The following SLC26A11 variants were observed in gnomAD, a reference collection of about 807,000 sequenced individuals.
SLC26A11 encodes solute carrier family 26 member 11, also known as sodium-independent sulfate anion transporter.
In SLC26A11, 58 loss-of-function variants were observed where a neutral mutation model predicts 62.2. That is an observed-to-expected ratio of 0.93 (90% CI 0.76 to 1.16). The LOEUF is 1.16. SLC26A11 is among the 50% of genes most tolerant of loss of function. The probability of loss-of-function intolerance (pLI) is 0.00; values close to 1 mark genes in which losing one functional copy is unlikely to be tolerated. For missense variants in SLC26A11, 790 were observed against 794.3 expected (o/e 0.99, Z 0.06); for synonymous variants, 411 against 368.9 (o/e 1.11, Z -1.31).
intron 16 of SLC26A11, among the ~76,000 whole-genome samples, chr17:80,249,921 A>G (rs2043114063): frequency 6.6e-6 from 1 of 152,138 alleles, no homozygotes; most frequent in Admixed American, 6.5e-5. Flanking sequence ...AAACAAACGA[A>G]AAAAAACAGG....
rs2043181518 is a variant in SLC26A11 at position 80,252,485 on chromosome 17, A to T, written c.1730-140A>T. The T allele has an allele frequency of 1.6e-6, 1 of 634,034 alleles. No homozygotes were observed. Among genetic ancestry groups the T allele is most frequent in the Non-Finnish European group, 2.7e-6 (1 of 373,956 alleles). The allele number at this position is 634,034 out of a possible 1,614,324, so 39.3% of individuals were successfully genotyped here. ...AGGTGAGACCCTCATGGAGTTAGTG[A>T]CACTGGCCTGGGTGGCCCACAGCTC... On this transcript the variant is annotated intron_variant, in intron 17 of 17. Coordinates refer to ENST00000361193, the MANE Select transcript of SLC26A11 (RefSeq NM_001166347.2). This position sits in a 1 kb window ranked among gnomAD's most constrained non-coding sequence, Gnocchi z 5.2.
Position 80,246,374 on chromosome 17 carries a change from G to A in SLC26A11, c.1154-135G>A. 5.6e-6 allele frequency: 8 copies of A among 1,429,528 alleles called. No homozygotes were observed. Among genetic ancestry groups the A allele is most frequent in the Non-Finnish European group, 6.6e-6 (7 of 1,059,624 alleles). The allele number at this position is 1,429,528 out of a possible 1,614,324, so 88.6% of individuals were successfully genotyped here. A position where few individuals can be genotyped will look rare whatever the true frequency, so the allele number is the denominator to read the frequency against. ...AGGGGGACCACAGGAGACTGAGCAG[G>A]GGCTGGGGGCCTTGGCAGTCGTCGC... On this transcript the variant is annotated intron_variant, in intron 12 of 17. Transcript: ENST00000361193. The surrounding 1 kb of genome is among the most constrained non-coding windows in gnomAD (Gnocchi z 4.4).
intron 6 of SLC26A11, 137 bp from the exon 7 acceptor site, chr17:80,227,681 T>C: frequency 2.5e-6 from 3 of 1,211,048 alleles, no homozygotes; most frequent in Non-Finnish European, 3.4e-6. Context: ...CTCACTGTGG[T>C]CTGGGACCAG....
intron 7 of SLC26A11, 21 bp downstream of exon 7, chr17:80,227,981 A>T: frequency 6.3e-7 from 1 of 1,595,596 alleles, no homozygotes; most frequent in East Asian, 2.2e-5. Context: ...TCTGGCTGAC[A>T]TCTTATGCAA....
Position 80,223,129 on chromosome 17 carries a change from C to T in SLC26A11, c.428-123C>T, listed in dbSNP as rs895287053. On this transcript the variant is annotated intron_variant, in intron 4 of 17. Coordinates refer to ENST00000361193, the MANE Select transcript of SLC26A11 (RefSeq NM_001166347.2). This position sits in a 1 kb window ranked among gnomAD's most constrained non-coding sequence, Gnocchi z 4.6. Reference sequence around the variant, plus strand: ...CCAAACAGGGTGTGTTACCCCCAGTCCTTAGCTGCGGTATCTGCTCCCCAA... The same window carrying T: ...CCAAACAGGGTGTGTTACCCCCAGTTCTTAGCTGCGGTATCTGCTCCCCAA... 1.1e-6 allele frequency: 1 copy of T among 922,530 alleles called. No homozygotes were observed. The highest frequency in any genetic ancestry group is 1.7e-6 in the Non-Finnish European group (1 of 579,756). The allele number at this position is 922,530 out of a possible 1,614,324, so 57.1% of individuals were successfully genotyped here. A position where few individuals can be genotyped will look rare whatever the true frequency, so the allele number is the denominator to read the frequency against.
chr17:80,231,448 G>A (rs2042565727), intron 7 of SLC26A11, among the ~76,000 whole-genome samples: 1 of 152,208 alleles, frequency 6.6e-6, no homozygotes, highest in Admixed American at 6.5e-5. Flanking sequence ...ACAGGCGTGA[G>A]CCACTGTGCC....
Position 80,228,971 on chromosome 17 carries a change from T to C in SLC26A11, c.736+1011T>C, listed in dbSNP as rs2042490010. 6.6e-6 allele frequency among the ~76,000 whole-genome samples: 1 copy of C among 152,076 alleles called. No homozygotes were observed. Reference sequence around the variant, plus strand: ...AAGCCTCTTCTCAGTGCATCCGGGATGGGCATGGGTCCCCTGGCTGAGCAC... The same window carrying C: ...AAGCCTCTTCTCAGTGCATCCGGGACGGGCATGGGTCCCCTGGCTGAGCAC... On this transcript the variant is annotated intron_variant, in intron 7 of 17. Coordinates refer to ENST00000361193, the MANE Select transcript of SLC26A11 (RefSeq NM_001166347.2). The surrounding 1 kb of genome is among the most constrained non-coding windows in gnomAD (Gnocchi z 4.1).
chr17:80,222,017 C>CT lies in SLC26A11; in HGVS notation c.234+224dup, dbSNP rs933222139. 3.7e-6 allele frequency: 2 copies of CT among 546,636 alleles called. No individual in the cohort carries two copies. Among genetic ancestry groups the CT allele is most frequent in the Admixed American group, 7.3e-5 (2 of 27,442 alleles). The allele number at this position is 546,636 out of a possible 1,614,324, so 33.9% of individuals were successfully genotyped here. ...GGTTATGGAGGGGCCAGCGAGATGA[C>CT]TCATGGAGGCCTCAGGAGTTCAAGA... is the stretch of plus-strand genomic sequence containing the variant. On this transcript the variant is annotated intron_variant, in intron 3 of 17. Transcript: ENST00000361193. This position sits in a 1 kb window ranked among gnomAD's most constrained non-coding sequence, Gnocchi z 4.7.
rs143708779 is a variant in SLC26A11, at chr17:80,242,829, C to T, written c.1036+1008C>T. ...GTTCATCCGATTCTCCTGCCTCAGC[C>T]TCCCGAGTAGCTGAGACTACAGGCG... On this transcript the variant is annotated intron_variant, in intron 10 of 17. Coordinates refer to ENST00000361193, the MANE Select transcript of SLC26A11 (RefSeq NM_001166347.2). 5.3e-4 allele frequency among the ~76,000 whole-genome samples: 80 copies of T among 152,288 alleles called. No homozygotes were observed. The East Asian group carries it at 0.014, about 26-fold the overall frequency.
chr17:80,232,597 A>G (rs2042592276), intron 7 of SLC26A11, among the ~76,000 whole-genome samples: 1 of 152,140 alleles, frequency 6.6e-6, no homozygotes, highest in African/African-American at 2.4e-5. Flanking sequence ...GTTTAATGGT[A>G]TGTTTTATGG....
chr17:80,241,865 C>T (rs1369814896), intron 10 of SLC26A11, 44 bp downstream of exon 10: 2 of 1,604,560 alleles, frequency 1.2e-6, no homozygotes, highest in East Asian at 2.2e-5. Flanking sequence ...CTGTGGGCCT[C>T]CAGGGTCCCA....
intron 5 of SLC26A11, among the ~76,000 whole-genome samples, chr17:80,225,291 A>C (rs2042378357): frequency 6.6e-6 from 1 of 152,240 alleles, no homozygotes; most frequent in Admixed American, 6.5e-5. Flanking sequence ...TACTTTGCCG[A>C]GGATTCCCCA....
chr17:80,248,852 G>A (rs2043083523), intron 15 of SLC26A11, among the ~76,000 whole-genome samples, 178 bp downstream of exon 15: 1 of 152,196 alleles, frequency 6.6e-6, no homozygotes, highest in African/African-American at 2.4e-5. Flanking sequence ...GCTGCAGCAA[G>A]GGTGGTGGCC....
intron 5 of SLC26A11, among the ~76,000 whole-genome samples, chr17:80,224,298 CGTGT>C (rs555123036): frequency 0.077 from 6,454 of 83,760 alleles, 451 homozygotes; most frequent in African/African-American, 0.24. Flanking sequence ...AGTGAGTGTG[CGTGT>C]GTGTGTGAGA....
At position 80,228,027 on chromosome 17, in the gene SLC26A11, A is replaced by G. The variant is rs2042460052; in HGVS notation, c.736+67A>G. ...AGGTTGGGGTCACTTGGGGAGTCCT[A>G]GTCCCACCCTAGGGATTCTCACGTC... is the stretch of plus-strand genomic sequence containing the variant. On this transcript the variant is annotated intron_variant, in intron 7 of 17. Coordinates refer to ENST00000361193, the MANE Select transcript of SLC26A11 (RefSeq NM_001166347.2). This position sits in a 1 kb window ranked among gnomAD's most constrained non-coding sequence, Gnocchi z 4.1. The G allele has an allele frequency of 6.8e-7, 1 of 1,461,400 alleles. No homozygotes were observed. The highest frequency in any genetic ancestry group is 9.3e-7 in the Non-Finnish European group (1 of 1,074,954). 90.5% of individuals were successfully genotyped at this position (1,461,400 alleles called of 1,614,324 possible). A position where few individuals can be genotyped will look rare whatever the true frequency, so the allele number is the denominator to read the frequency against.
At position 80,246,221 on chromosome 17, in the gene SLC26A11, C is replaced by T. The variant is rs1203674850; in HGVS notation, c.1153+12C>T. 1 of 1,607,324 alleles carries T rather than the reference C, an allele frequency of 6.2e-7. No individual in the cohort carries two copies. The highest frequency in any genetic ancestry group is 8.5e-7 in the Non-Finnish European group (1 of 1,177,702). ...GGGCCTGGTGACGGGTAAGGCCCCC[C>T]ATCTTCCCCTTGTGCCCGCAGCCCT... is the stretch of plus-strand genomic sequence containing the variant. On this transcript the variant is annotated intron_variant, in intron 12 of 17. Coordinates refer to ENST00000361193, the MANE Select transcript of SLC26A11 (RefSeq NM_001166347.2). The surrounding 1 kb of genome is among the most constrained non-coding windows in gnomAD (Gnocchi z 4.4).
chr17:80,246,004 C>A lies in SLC26A11; in HGVS notation c.1098-150C>A. The A allele has an allele frequency of 1.1e-6, 1 of 906,576 alleles. No individual in the cohort carries two copies. The highest frequency in any genetic ancestry group is 1.8e-6 in the Non-Finnish European group (1 of 557,134). 56.2% of individuals were successfully genotyped at this position (906,576 alleles called of 1,614,324 possible). A position where few individuals can be genotyped will look rare whatever the true frequency, so the allele number is the denominator to read the frequency against. On this transcript the variant is annotated intron_variant, in intron 11 of 17. Coordinates refer to ENST00000361193, the MANE Select transcript of SLC26A11 (RefSeq NM_001166347.2). This position sits in a 1 kb window ranked among gnomAD's most constrained non-coding sequence, Gnocchi z 4.4. The stretch of plus-strand genomic sequence containing the variant: ...GGCTGTCTGTGACTGCACCCTAAGT[C>A]TCTTTGCCTCGGTCCCCTTGCAGTC...
At position 80,246,959 on chromosome 17, in the gene SLC26A11, C is replaced by T. The variant is rs1236447589; in HGVS notation, c.1294+310C>T. On this transcript the variant is annotated intron_variant, in intron 13 of 17. Transcript: ENST00000361193. This position sits in a 1 kb window ranked among gnomAD's most constrained non-coding sequence, Gnocchi z 4.4. ...CCTTGCCACCCGCCTCCAGCCACCA[C>T]TCTGCCCGGCCCAGCTGGGGGAGGG... is the stretch of plus-strand genomic sequence containing the variant. Among the ~76,000 whole-genome samples the T allele has an allele frequency of 6.6e-6, 1 of 152,164 alleles. No individual in the cohort carries two copies. The highest frequency in any genetic ancestry group is 1.9e-4 in the East Asian group (1 of 5,190).
chr17:80,225,171 C>T (rs891957380), intron 5 of SLC26A11, among the ~76,000 whole-genome samples: 2 of 151,798 alleles, frequency 1.3e-5, no homozygotes, highest in Admixed American at 1.3e-4. Flanking sequence ...AAGACCCCCA[C>T]CCCCCAACCC....
Sources: gnomAD v4.1 joint callset for allele counts (sites outside exome capture counted in the v4.1 genomes callset) on GRCh38, gnomAD v4.1.1 for gene constraint, Gnocchi (gnomAD v3.1) non-coding constraint, MANE v1.5 for transcripts, NCBI Gene and HGNC (gene_info 2026-07-23, HGNC 2026-07-21) for gene names.